The following CDKN2A variants were observed in gnomAD, a reference collection of about 807,000 sequenced individuals.
CDKN2A encodes cyclin-dependent kinase inhibitor 2A.
Under a neutral mutation model 11.1 loss-of-function variants are expected in CDKN2A, and 3 were observed. The observed-to-expected ratio is 0.27, with a 90% CI of 0.12 to 0.70. The LOEUF (loss-of-function observed/expected upper bound fraction) is 0.70, where lower values mean the gene tolerates loss of function less well. Among genes scored for constraint, CDKN2A ranks in the 30% least tolerant of loss-of-function variants. The pLI is 0.77. For missense variants in CDKN2A, 265 were observed against 233.6 expected, an observed-to-expected ratio of 1.13 and a Z score of -0.88; for synonymous variants, 122 against 108.1, an observed-to-expected ratio of 1.13 and a Z score of -0.80.
At chr9:21,990,611 TGAGAGA>T (rs60431211) in intron 2 of CDKN2A, among the ~76,000 whole-genome samples, 1,536 of 89,728 alleles carry the variant, frequency 0.017, 38 homozygotes, top group African/African-American at 0.049. Flanking sequence ...ACTAATTTGG[TGAGAGA>T]GAGAGAGAGA....
At chr9:21,992,850 C>T (rs2131144128) in intron 2 of CDKN2A, among the ~76,000 whole-genome samples, 1 of 152,042 alleles carries the variant, frequency 6.6e-6, no homozygotes, top group East Asian at 1.9e-4. Context: ...AAAAAAACAA[C>T]AACCAGGGTC....
intron 1 of CDKN2A, among the ~76,000 whole-genome samples, chr9:21,973,490 C>A (rs920774024): frequency 5.3e-5 from 8 of 152,120 alleles, no homozygotes; most frequent in African/African-American, 1.9e-4. Context: ...CAAATAAGGT[C>A]TCTTCTAAGA....
Position 21,981,656 on chromosome 9 carries a change from A to T in CDKN2A, c.-3-10448T>A, listed in dbSNP as rs532945344. 2.7e-5 allele frequency among the ~76,000 whole-genome samples: 4 copies of T among 150,812 alleles called. No individual in the cohort carries two copies. In the South Asian group the frequency reaches 8.4e-4, roughly 31 times the overall value. On this transcript the variant is annotated intron_variant, in intron 2 of 3. Coordinates refer to the CDKN2A transcript ENST00000494262. ...CTTTTTTTTTTTTTTACTAGCTTCA[A>T]TGTCTTGATCTACAAAACGGGTATA...
chr9:21,985,527 C>T (rs1023585037), intron 2 of CDKN2A, among the ~76,000 whole-genome samples: 2 of 151,938 alleles, frequency 1.3e-5, no homozygotes, highest in African/African-American at 4.8e-5. Flanking sequence ...GATATTCAGA[C>T]TGTGACAACC....
chr9:21,970,275 G>C lies in CDKN2A; in HGVS notation c.457+627C>G, dbSNP rs72547291. The C allele has an allele frequency of 6.5e-3, 1,560 of 238,374 alleles. 29 individuals carry two copies. The highest frequency in any genetic ancestry group is 0.032 in the African/African-American group (1,450 of 45,616). The allele number at this position is 238,374 out of a possible 1,614,324, so 14.8% of individuals were successfully genotyped here. A position where few individuals can be genotyped will look rare whatever the true frequency, so the allele number is the denominator to read the frequency against. ...CGATCTCTTGCACAAGTTTAAGAGG[G>C]AAAGGAGCCAACTCCGGTGCACAGA... On this transcript the variant is annotated intron_variant, in intron 2 of 2. Coordinates refer to ENST00000304494, the MANE Select transcript of CDKN2A (RefSeq NM_000077.5).
chr9:21,981,528 G>A (rs1226273092), intron 2 of CDKN2A, among the ~76,000 whole-genome samples: 4 of 151,900 alleles, frequency 2.6e-5, no homozygotes, highest in African/African-American at 9.7e-5. Flanking sequence ...AGGCAATGGA[G>A]GAATAATTCC....
At chr9:21,994,023 G>A (rs1248289112) in exon 2 of CDKN2A, 3 of 1,178,068 alleles carry the variant, frequency 2.5e-6, no homozygotes, top group Admixed American at 2.0e-5. Context: ...AGCCTCCACC[G>A]GCGGTTATCT....
Position 21,990,324 on chromosome 9 carries a change from A to G in CDKN2A, c.-4+3558T>C, listed in dbSNP as rs529198545. ...CGTGCATTTCACAGTCTGACGTCAC[A>G]GCCCTCGCAGGTTTTCCCAGACCTT... On this transcript the variant is annotated intron_variant, in intron 2 of 3. Transcript: ENST00000494262. Among the ~76,000 whole-genome samples, 5 of 152,144 alleles carry G rather than the reference A, an allele frequency of 3.3e-5. No individual in the cohort carries two copies. In the East Asian group the frequency reaches 9.6e-4, roughly 29 times the overall value.
At chr9:21,975,107 G>A, upstream of CDKN2A, 5 of 1,260,548 alleles carry the variant, frequency 4.0e-6, no homozygotes, top group Non-Finnish European at 5.0e-6. Flanking sequence ...GGTCTCCCCC[G>A]GGGGCACCAG....
rs1819941573 is a variant in CDKN2A, at chr9:21,974,642, G to T, written c.150+36C>A. On this transcript the variant is annotated intron_variant, in intron 1 of 2. Transcript: ENST00000304494. This position sits in a 1 kb window ranked among gnomAD's most constrained non-coding sequence, Gnocchi z 5.2. Reference sequence around the variant, plus strand: ...CAAACTTCGTCCTCCAGAGTCGCCCGCCATCCCCTGCTCCCGCTGCAGACC... The same window carrying T: ...CAAACTTCGTCCTCCAGAGTCGCCCTCCATCCCCTGCTCCCGCTGCAGACC... 6.2e-7 allele frequency: 1 copy of T among 1,614,102 alleles called. No individual in the cohort carries two copies. The highest frequency in any genetic ancestry group is 8.5e-7 in the Non-Finnish European group (1 of 1,180,018).
rs2131081870 is a variant in CDKN2A at position 21,968,714 on chromosome 9, C to T, written c.458-472G>A. On this transcript the variant is annotated intron_variant, in intron 2 of 2. Coordinates refer to ENST00000304494, the MANE Select transcript of CDKN2A (RefSeq NM_000077.5). The surrounding 1 kb of genome is among the most constrained non-coding windows in gnomAD (Gnocchi z 4.7). Reference sequence around the variant, plus strand: ...GGCTCTGGCGCTCCTCGGCGGAATCCCGTAGCTTCCCTACGCATGCCTGCT... The same window carrying T: ...GGCTCTGGCGCTCCTCGGCGGAATCTCGTAGCTTCCCTACGCATGCCTGCT... 6.5e-7 allele frequency: 1 copy of T among 1,536,180 alleles called. No individual in the cohort carries two copies. The highest frequency in any genetic ancestry group is 8.7e-7 in the Non-Finnish European group (1 of 1,146,924).
rs984965854 is a variant in CDKN2A, at chr9:21,974,048, C to A, written c.150+630G>T. On this transcript the variant is annotated intron_variant, in intron 1 of 2. Coordinates refer to ENST00000304494, the MANE Select transcript of CDKN2A (RefSeq NM_000077.5). This position sits in a 1 kb window ranked among gnomAD's most constrained non-coding sequence, Gnocchi z 5.2. ...TGGGATTACAGGCGCCTGCCACCACCCCCGGCTACTTTTTGTATTTTTAGT... is the reference window on the plus strand; with the variant it reads ...TGGGATTACAGGCGCCTGCCACCACACCCGGCTACTTTTTGTATTTTTAGT... Among the ~76,000 whole-genome samples the A allele has an allele frequency of 1.3e-5, 2 of 152,138 alleles. No individual in the cohort carries two copies. The highest frequency in any genetic ancestry group is 2.1e-4 in the South Asian group (1 of 4,816).
intron 2 of CDKN2A, among the ~76,000 whole-genome samples, chr9:21,969,087 GA>G (rs1451261875): frequency 6.6e-6 from 1 of 152,194 alleles, no homozygotes; most frequent in African/African-American, 2.4e-5. Context: ...CTCGCTCTCT[GA>G]AAATAGATTG....
Position 21,985,452 on chromosome 9 carries a change from C to T in CDKN2A, c.-4+8430G>A, listed in dbSNP as rs543115984. On this transcript the variant is annotated intron_variant, in intron 2 of 3. Coordinates refer to the CDKN2A transcript ENST00000494262. ...TCATTCCTTTCATCACACAGACACA[C>T]ACACACATAATTTTTTATACTAAAG... is the stretch of plus-strand genomic sequence containing the variant. Among the ~76,000 whole-genome samples, 8 of 152,076 alleles carry T rather than the reference C, an allele frequency of 5.3e-5. No homozygotes were observed. The South Asian group carries it at 1.7e-3, about 31-fold the overall frequency.
intron 2 of CDKN2A, among the ~76,000 whole-genome samples, chr9:21,993,655 G>A (rs892517338): frequency 2.0e-5 from 3 of 152,112 alleles, no homozygotes; most frequent in Admixed American, 6.5e-5. Context: ...CGTATCTCAC[G>A]GGTCCTCCAC....
Position 21,994,130 on chromosome 9 carries a change from C to G in CDKN2A, c.-175-77G>C, listed in dbSNP as rs965897956. ...AATGCGCCCCGGACTTTTCGAGGGC[C>G]TTTCCTACCTGGTCTTCTAGGAAGC... On this transcript the variant is annotated intron_variant, in intron 1 of 3. Coordinates refer to the CDKN2A transcript ENST00000494262. The G allele has an allele frequency of 1.2e-6, 2 of 1,600,162 alleles. No homozygotes were observed. The highest frequency in any genetic ancestry group is 1.7e-6 in the Non-Finnish European group (2 of 1,179,704).
chr9:21,977,420 C>T (rs554702306), upstream of CDKN2A, among the ~76,000 whole-genome samples: 21 of 152,066 alleles, frequency 1.4e-4, no homozygotes, highest in African/African-American at 5.1e-4. Context: ...GAAATGGCAC[C>T]GCACGATCTC....
At position 21,970,993 on chromosome 9, in the gene CDKN2A, G is replaced by A. The variant is rs2131092946; in HGVS notation, c.366C>T (p.Gly122=). 1 of 1,609,798 alleles carries A rather than the reference G, an allele frequency of 6.2e-7. No homozygotes were observed. The highest frequency in any genetic ancestry group is 1.3e-5 in the African/African-American group (1 of 75,050). ...GCAGGTACCGTGCGACATCGCGATG[G>A]CCCAGCTCCTCAGCCAGGTCCACGG... ...RLPVDLAEEL[G]HRDVARYLRA... The change falls in exon 2 of 3, where the codon GGC becomes GGT. Residue 122 remains glycine, a synonymous_variant. Coordinates refer to ENST00000304494, the MANE Select transcript of CDKN2A (RefSeq NM_000077.5).
chr9:21,974,317 T>C lies in CDKN2A; in HGVS notation c.150+361A>G, dbSNP rs1819917937. ...ATCCAGGTATCTGTGAATTGGAGGCTAAGTAGTCCCAGCACATCTTACATT... is the reference window on the plus strand; with the variant it reads ...ATCCAGGTATCTGTGAATTGGAGGCCAAGTAGTCCCAGCACATCTTACATT... On this transcript the variant is annotated intron_variant, in intron 1 of 2. Coordinates refer to ENST00000304494, the MANE Select transcript of CDKN2A (RefSeq NM_000077.5). The surrounding 1 kb of genome is among the most constrained non-coding windows in gnomAD (Gnocchi z 5.2). 4 of 1,114,938 alleles carry C rather than the reference T, an allele frequency of 3.6e-6. No individual in the cohort carries two copies. The highest frequency in any genetic ancestry group is 4.9e-6 in the Non-Finnish European group (4 of 824,504). 69.1% of individuals were successfully genotyped at this position (1,114,938 alleles called of 1,614,324 possible). A position where few individuals can be genotyped will look rare whatever the true frequency, so the allele number is the denominator to read the frequency against.
Sources: allele counts gnomAD v4.1 joint callset (sites outside exome capture counted in the v4.1 genomes callset), GRCh38; gene constraint gnomAD v4.1.1; non-coding constraint Gnocchi (gnomAD v3.1); transcripts MANE v1.5; gene names NCBI Gene and HGNC (gene_info 2026-07-23, HGNC 2026-07-21).